MEIS1: variants seen among roughly 807,000 people sequenced by gnomAD.
MEIS1 encodes the protein Meis homeobox 1.
MEIS1 carries 5 observed loss-of-function variants against 50.8 expected under a neutral mutation model. The ratio of observed to expected loss-of-function variants is 0.10; its 90% CI spans 0.05 to 0.21. The LOEUF is 0.21. MEIS1 is among the 10% of genes least tolerant of loss of function. The pLI, the probability that MEIS1 is intolerant of heterozygous loss-of-function variation, is 1.00. For synonymous variants in MEIS1, 176 were observed against 179.3 expected, an observed-to-expected ratio of 0.98 and a Z score of 0.15; for missense variants, 318 against 517.3, an observed-to-expected ratio of 0.61 and a Z score of 3.74.
In MEIS1 at chr2:66,571,700, A is replaced by G. The variant is rs1675491260; in HGVS notation, c.*492A>G. 3.0e-6 allele frequency: 2 copies of G among 673,334 alleles called. No homozygotes were observed. The highest frequency in any genetic ancestry group is 3.6e-5 in the African/African-American group (2 of 55,018). 41.7% of individuals were successfully genotyped at this position (673,334 alleles called of 1,614,324 possible). The stretch of plus-strand genomic sequence containing the variant: ...ACCAACTGAAGTCAATTTGGGGGAC[A>G]TGCTAAATAACTATATAAGACATTA... On this transcript the variant is annotated 3_prime_UTR_variant, in exon 13 of 13. Transcript: ENST00000272369.
intron 9 of MEIS1, among the ~76,000 whole-genome samples, chr2:66,556,735 A>G (rs917535664): frequency 6.6e-6 from 1 of 152,100 alleles, no homozygotes; most frequent in East Asian, 1.9e-4. Context: ...CATAGTTCAG[A>G]TGTACTTGGA....
chr2:66,507,839 G>A (rs546262253), intron 7 of MEIS1, among the ~76,000 whole-genome samples: 2 of 152,330 alleles, frequency 1.3e-5, no homozygotes, highest in African/African-American at 2.4e-5. Context: ...TAGGCGACTC[G>A]GGATGTTTGA....
intron 6 of MEIS1, among the ~76,000 whole-genome samples, chr2:66,450,370 G>A (rs959778387): frequency 7.9e-5 from 12 of 152,086 alleles, no homozygotes; most frequent in Admixed American, 7.9e-4. Flanking sequence ...CTAATCCAGA[G>A]GCTGAGGCAG....
chr2:66,562,728 T>C (rs890878331), intron 9 of MEIS1, among the ~76,000 whole-genome samples: 2 of 152,200 alleles, frequency 1.3e-5, no homozygotes, highest in Non-Finnish European at 2.9e-5. Flanking sequence ...TAAAGCTTTT[T>C]GTTTTGAGAC....
intron 7 of MEIS1, among the ~76,000 whole-genome samples, chr2:66,499,735 G>T (rs1673502186): frequency 6.7e-6 from 1 of 149,478 alleles, no homozygotes; most frequent in Admixed American, 6.6e-5. Context: ...ATACAGACAT[G>T]TTATCCTGGT....
chr2:66,549,856 A>T (rs927501749), intron 9 of MEIS1, among the ~76,000 whole-genome samples: 5 of 152,204 alleles, frequency 3.3e-5, no homozygotes, highest in Non-Finnish European at 1.5e-5. Context: ...CAAGTTGCTT[A>T]CTATGGGTGG....
intron 9 of MEIS1, among the ~76,000 whole-genome samples, chr2:66,559,929 TG>T (rs1675169622): frequency 6.6e-6 from 1 of 152,138 alleles, no homozygotes; most frequent in South Asian, 2.1e-4. Flanking sequence ...CCCTAGTAGC[TG>T]GGACTACAGG....
At chr2:66,542,742 C>A (rs1184528275) in intron 8 of MEIS1, among the ~76,000 whole-genome samples, 2 of 152,158 alleles carry the variant, frequency 1.3e-5, no homozygotes, top group East Asian at 3.9e-4. Flanking sequence ...GCTGCCATTA[C>A]AATGTGCTAT....
At chr2:66,445,661 T>C (rs1475382393) in intron 6 of MEIS1, among the ~76,000 whole-genome samples, 1 of 152,038 alleles carries the variant, frequency 6.6e-6, no homozygotes, top group African/African-American at 2.4e-5. Flanking sequence ...CGGCACGGTT[T>C]ATTTTATTTT....
At chr2:66,451,420 G>A (rs1255492161) in intron 6 of MEIS1, among the ~76,000 whole-genome samples, 8 of 152,070 alleles carry the variant, frequency 5.3e-5, no homozygotes, top group South Asian at 4.1e-4. Context: ...TGACACAGCC[G>A]TCAAAAGGAC....
chr2:66,510,755 G>C (rs1673808600), intron 7 of MEIS1, among the ~76,000 whole-genome samples: 1 of 152,016 alleles, frequency 6.6e-6, no homozygotes, highest in Admixed American at 6.6e-5. Flanking sequence ...GGTCTGCTGA[G>C]GGAGCTGTTA....
At chr2:66,537,606 CT>C (rs1335473830) in intron 8 of MEIS1, among the ~76,000 whole-genome samples, 1 of 152,188 alleles carries the variant, frequency 6.6e-6, no homozygotes, top group Non-Finnish European at 1.5e-5. Context: ...TTGCTTCTAA[CT>C]TACGGATACT....
intron 9 of MEIS1, among the ~76,000 whole-genome samples, chr2:66,559,710 T>G (rs1161750816): frequency 1.3e-5 from 2 of 152,330 alleles, no homozygotes; most frequent in East Asian, 3.9e-4. Flanking sequence ...AAATCTATAT[T>G]CTAAACCACT....
chr2:66,440,791 A>C (rs1373893841), intron 4 of MEIS1, 179 bp downstream of exon 4: 3 of 582,804 alleles, frequency 5.1e-6, no homozygotes, highest in Non-Finnish European at 9.2e-6. Context: ...CGGGGAAATA[A>C]ATTCATCTCG....
chr2:66,553,918 G>A (rs1674988208), intron 9 of MEIS1, among the ~76,000 whole-genome samples: 1 of 152,162 alleles, frequency 6.6e-6, no homozygotes, highest in African/African-American at 2.4e-5. Flanking sequence ...CCACCATGGG[G>A]CCCTAAGTCT....
At chr2:66,509,226 A>C (rs137924432) in intron 7 of MEIS1, 3 of 356,672 alleles carry the variant, frequency 8.4e-6, no homozygotes, top group Non-Finnish European at 1.7e-5. Flanking sequence ...AAAATCTATG[A>C]AAGTGTTTGC....
chr2:66,446,638 C>T (rs1672155099), intron 6 of MEIS1, among the ~76,000 whole-genome samples: 1 of 152,258 alleles, frequency 6.6e-6, no homozygotes, highest in African/African-American at 2.4e-5. Context: ...CGAAGGCTGT[C>T]GGGCTGCACA....
At chr2:66,531,172 T>C (rs1295929740) in intron 8 of MEIS1, among the ~76,000 whole-genome samples, 1 of 152,234 alleles carries the variant, frequency 6.6e-6, no homozygotes, top group African/African-American at 2.4e-5. Context: ...TTGAACAGAC[T>C]ACTTTAGCTT....
At chr2:66,464,697 T>C (rs1672593805) in intron 7 of MEIS1, among the ~76,000 whole-genome samples, 1 of 152,166 alleles carries the variant, frequency 6.6e-6, no homozygotes, top group African/African-American at 2.4e-5. Context: ...TTTCTGGTTT[T>C]ACTTATCTGA....
Sources: gnomAD v4.1 joint callset for allele counts (sites outside exome capture counted in the v4.1 genomes callset) on GRCh38, gnomAD v4.1.1 for gene constraint, MANE v1.5 for transcripts, NCBI Gene and HGNC (gene_info 2026-07-23, HGNC 2026-07-21) for gene names.